The following ABI3 variants were observed in gnomAD, a reference collection of about 807,000 sequenced individuals.
ABI3 encodes ABI gene family member 3.
ABI3 carries 24 observed loss-of-function variants against 37.0 expected under a neutral mutation model. The observed-to-expected ratio is 0.65, with a 90% CI of 0.47 to 0.91. ABI3 has a LOEUF of 0.91. ABI3 is among the 40% of genes least tolerant of loss of function. The pLI, the probability that ABI3 is intolerant of heterozygous loss-of-function variation, is 0.00. For missense variants in ABI3, 481 were observed against 485.1 expected (o/e 0.99, Z 0.08); for synonymous variants, 220 against 211.8 (o/e 1.04, Z -0.34).
rs1470941475 is a variant in ABI3 at position 49,219,298 on chromosome 17, T to C, written c.463-242T>C. On this transcript the variant is annotated intron_variant, in intron 3 of 7. Transcript: ENST00000225941. This position sits in a 1 kb window ranked among gnomAD's most constrained non-coding sequence, Gnocchi z 4.3. ...GGGGTGCTGGGCCCACTCAACCCGC[T>C]GTGGCTGTGCAGAGGAAGTGGCTGT... Among the ~76,000 whole-genome samples, 3 of 151,960 alleles carry C rather than the reference T, an allele frequency of 2.0e-5. No homozygotes were observed. In the East Asian group the frequency reaches 5.8e-4, roughly 29 times the overall value.
Position 49,219,722 on chromosome 17 carries a change from G to C in ABI3, c.548+97G>C. ...TCGCCACCCACCCCTGGCGCCCCCG[G>C]GTGCTCAGGCCGTCATGCTGGATGC... On this transcript the variant is annotated intron_variant, in intron 4 of 7. Transcript: ENST00000225941. The surrounding 1 kb of genome is among the most constrained non-coding windows in gnomAD (Gnocchi z 4.3). The C allele has an allele frequency of 7.0e-7, 1 of 1,427,704 alleles. No homozygotes were observed. The highest frequency in any genetic ancestry group is 1.4e-5 in the African/African-American group (1 of 70,702). The allele number at this position is 1,427,704 out of a possible 1,614,324, so 88.4% of individuals were successfully genotyped here.
Position 49,223,057 on chromosome 17 carries a change from G to GT in ABI3, c.*342_*343insT, listed in dbSNP as rs2043310933. On this transcript the variant is annotated 3_prime_UTR_variant, in exon 8 of 8. Transcript: ENST00000225941. ...GATAAGGGGCCAGGAGGGATTGAAA[G>GT]GCATCCCAGTTCTAAGGCTGCTGCT... 4.7e-6 allele frequency: 2 copies of GT among 427,702 alleles called. No homozygotes were observed. Among genetic ancestry groups the GT allele is most frequent in the East Asian group, 6.8e-5 (2 of 29,606 alleles). The allele number at this position is 427,702 out of a possible 1,614,324, so 26.5% of individuals were successfully genotyped here.
chr17:49,223,129 A>G lies in ABI3; in HGVS notation c.*414A>G, dbSNP rs1433662144. 4.8e-6 allele frequency: 2 copies of G among 418,594 alleles called. No individual in the cohort carries two copies. The highest frequency in any genetic ancestry group is 6.9e-5 in the East Asian group (2 of 29,104). 25.9% of individuals were successfully genotyped at this position (418,594 alleles called of 1,614,324 possible). Reference sequence around the variant, plus strand: ...ACCCACCAGCTGACCTAGAAGCAGCATCTTCCCATTTCCTCAGTACCCACA... The same window carrying G: ...ACCCACCAGCTGACCTAGAAGCAGCGTCTTCCCATTTCCTCAGTACCCACA... On this transcript the variant is annotated 3_prime_UTR_variant, in exon 8 of 8. Coordinates refer to ENST00000225941, the MANE Select transcript of ABI3 (RefSeq NM_016428.3).
chr17:49,214,602 C>T (rs1457001978), intron 1 of ABI3, among the ~76,000 whole-genome samples: 4 of 152,154 alleles, frequency 2.6e-5, no homozygotes, highest in Non-Finnish European at 4.4e-5. Flanking sequence ...CCCAGCTACT[C>T]GGAAGGCTGA....
chr17:49,219,893 C>T lies in ABI3; in HGVS notation c.584C>T (p.Pro195Leu), dbSNP rs1405321081. The T allele has an allele frequency of 1.3e-6, 2 of 1,553,226 alleles. No individual in the cohort carries two copies. Among genetic ancestry groups the T allele is most frequent in the Non-Finnish European group, 1.7e-6 (2 of 1,154,744 alleles). Reference sequence around the variant, plus strand: ...CGGATTCCCGAGCCAGTGCACCTGCCGGTGGTGCCCGACGGCAGACTCTCC... The same window carrying T: ...CGGATTCCCGAGCCAGTGCACCTGCTGGTGGTGCCCGACGGCAGACTCTCC... ...PPRIPEPVHL[P>L]VVPDGRLSAA... Residue 195 changes from proline to leucine, a missense_variant, in exon 5 of 8, where the codon CCG becomes CTG. Pro to Leu is a moderately conservative substitution (Grantham distance 98). Coordinates refer to ENST00000225941, the MANE Select transcript of ABI3 (RefSeq NM_016428.3). This position sits in a 1 kb window ranked among gnomAD's most constrained non-coding sequence, Gnocchi z 4.3.
At chr17:49,220,379 T>C in intron 6 of ABI3, 53 bp downstream of exon 6, 1 of 1,521,820 alleles carries the variant, frequency 6.6e-7, no homozygotes, top group Non-Finnish European at 8.8e-7. Flanking sequence ...TTCTGCCTCC[T>C]GCCACTCCCC....
At chr17:49,215,399 G>A (rs2043208984) in intron 1 of ABI3, among the ~76,000 whole-genome samples, 4 of 152,124 alleles carry the variant, frequency 2.6e-5, no homozygotes, top group South Asian at 4.1e-4. Context: ...TAGAGGGAAT[G>A]AATGAATAAA....
At position 49,219,526 on chromosome 17, in the gene ABI3, C is replaced by T; in HGVS notation, c.463-14C>T. 1.3e-6 allele frequency: 2 copies of T among 1,590,208 alleles called. No homozygotes were observed. Among genetic ancestry groups the T allele is most frequent in the Non-Finnish European group, 1.7e-6 (2 of 1,168,262 alleles). On this transcript the variant is annotated splice_polypyrimidine_tract_variant and intron_variant, in intron 3 of 7. Coordinates refer to ENST00000225941, the MANE Select transcript of ABI3 (RefSeq NM_016428.3). This position sits in a 1 kb window ranked among gnomAD's most constrained non-coding sequence, Gnocchi z 4.3. ...TCACCCCAAATGTAAGCCCTACCTC[C>T]CGCTCCCTCGCAGGACCTCAGCACG...
intron 3 of ABI3, among the ~76,000 whole-genome samples, chr17:49,218,770 A>ATTTTTTTTTTTTTTTTT (rs71144583): frequency 7.6e-6 from 1 of 131,786 alleles, no homozygotes; most frequent in African/African-American, 3.0e-5. Context: ...TGCCCGGCTA[A>ATTTTTTTTTTTTTTTTT]TTTTTTTTTT....
chr17:49,213,344 T>C (rs2043188047), intron 1 of ABI3, among the ~76,000 whole-genome samples: 1 of 152,228 alleles, frequency 6.6e-6, no homozygotes, highest in African/African-American at 2.4e-5. Flanking sequence ...GAGTACTAAC[T>C]ACTAGAACAC....
chr17:49,212,292 T>G (rs1383354789), intron 1 of ABI3, among the ~76,000 whole-genome samples: 2 of 152,092 alleles, frequency 1.3e-5, no homozygotes, highest in Non-Finnish European at 2.9e-5. Context: ...CCTCTCCATC[T>G]TTCTGCCTCC....
At chr17:49,211,338 A>C (rs942245750) in intron 1 of ABI3, among the ~76,000 whole-genome samples, 1 of 152,186 alleles carries the variant, frequency 6.6e-6, no homozygotes, top group Admixed American at 6.5e-5. Flanking sequence ...TGGGCTAAAG[A>C]GAGGGGATCT....
intron 3 of ABI3, among the ~76,000 whole-genome samples, chr17:49,218,387 C>T (rs967435979): frequency 8.5e-5 from 13 of 152,186 alleles, no homozygotes; most frequent in Non-Finnish European, 4.4e-5. Context: ...GGGAGCATGG[C>T]GCTGGCGTCT....
intron 1 of ABI3, among the ~76,000 whole-genome samples, chr17:49,214,796 G>A (rs1292358851): frequency 6.6e-6 from 1 of 152,230 alleles, no homozygotes; most frequent in African/African-American, 2.4e-5. Context: ...CCTGGCCAGT[G>A]CCTGGCACAG....
intron 6 of ABI3, 91 bp from the exon 7 acceptor site, chr17:49,222,000 T>G: frequency 7.7e-6 from 11 of 1,425,922 alleles, no homozygotes; most frequent in Non-Finnish European, 1.0e-5. Flanking sequence ...CTGAGATGGG[T>G]GGATTCTGGG....
rs995795040 is a variant in ABI3, at chr17:49,219,243, T to G, written c.463-297T>G. Among the ~76,000 whole-genome samples, 4 of 152,144 alleles carry G rather than the reference T, an allele frequency of 2.6e-5. No individual in the cohort carries two copies. Among genetic ancestry groups the G allele is most frequent in the East Asian group, 3.9e-4 (2 of 5,180 alleles). ...CCACCAAGCCAGGGCCCCAGCTTCCTGGGCTCTGAGATGGTCTGGGGGAGG... is the reference window on the plus strand; with the variant it reads ...CCACCAAGCCAGGGCCCCAGCTTCCGGGGCTCTGAGATGGTCTGGGGGAGG... On this transcript the variant is annotated intron_variant, in intron 3 of 7. Transcript: ENST00000225941. The surrounding 1 kb of genome is among the most constrained non-coding windows in gnomAD (Gnocchi z 4.3).
intron 5 of ABI3, 69 bp from the exon 6 acceptor site, chr17:49,220,100 G>A (rs2043266269): frequency 8.1e-6 from 13 of 1,604,116 alleles, no homozygotes; most frequent in African/African-American, 1.3e-5. Context: ...CAGGATTGGA[G>A]GGGTGGGGCC....
chr17:49,222,421 G>C, intron 7 of ABI3, 131 bp from the exon 8 acceptor site: 2 of 1,384,036 alleles, frequency 1.4e-6, no homozygotes, highest in Non-Finnish European at 2.0e-6. Context: ...GGTCCTGAAG[G>C]CTTGCAAGAA....
At chr17:49,216,405 T>C (rs2043218213) in intron 1 of ABI3, 126 bp from the exon 2 acceptor site, 1 of 853,900 alleles carries the variant, frequency 1.2e-6, no homozygotes, top group Non-Finnish European at 1.6e-6. Flanking sequence ...ACCTCAAACA[T>C]CTAAGGGTTG....
Sources: gnomAD v4.1 joint callset for allele counts (sites outside exome capture counted in the v4.1 genomes callset) on GRCh38, gnomAD v4.1.1 for gene constraint, Gnocchi (gnomAD v3.1) non-coding constraint, MANE v1.5 for transcripts, NCBI Gene and HGNC (gene_info 2026-07-23, HGNC 2026-07-21) for gene names.